The following CREB3L2 variants were observed in gnomAD, a reference collection of about 807,000 sequenced individuals.
The protein encoded by CREB3L2 is cAMP responsive element binding protein 3 like 2.
Under a neutral mutation model 57.2 loss-of-function variants are expected in CREB3L2, and 23 were observed. That is an observed-to-expected ratio of 0.40 (90% confidence interval 0.29 to 0.57). The LOEUF is 0.57. Among genes scored for constraint, CREB3L2 ranks in the 20% least tolerant of loss-of-function variants. The pLI, the probability that CREB3L2 is intolerant of heterozygous loss-of-function variation, is 0.42. For missense variants in CREB3L2, 628 were observed against 634.7 expected, an observed-to-expected ratio of 0.99 and a Z score of 0.11; for synonymous variants, 268 against 265.1, an observed-to-expected ratio of 1.01 and a Z score of -0.11.
At chr7:137,917,209 GACAGAGTGC>G (rs1303341093) in intron 2 of CREB3L2, among the ~76,000 whole-genome samples, 2 of 152,186 alleles carry the variant, frequency 1.3e-5, no homozygotes, top group Non-Finnish European at 2.9e-5. Context: ...AGACGGAACA[GACAGAGTGC>G]CTCTGCCACT....
rs183777556 is a variant in CREB3L2 at position 137,925,568 on chromosome 7, C to G, written c.319+2582G>C. 6.6e-5 allele frequency among the ~76,000 whole-genome samples: 10 copies of G among 152,318 alleles called. No individual in the cohort carries two copies. The East Asian group carries it at 1.9e-3, about 29-fold the overall frequency. ...GGTGGTTATCTGCTCTAACAGAGCA[C>G]TTGGGTTTGGAAGGAATACTTGTGG... is the stretch of plus-strand genomic sequence containing the variant. On this transcript the variant is annotated intron_variant, in intron 2 of 11. Coordinates refer to ENST00000330387, the MANE Select transcript of CREB3L2 (RefSeq NM_194071.4).
At chr7:137,952,421 A>T (rs1801119865) in intron 1 of CREB3L2, among the ~76,000 whole-genome samples, 1 of 152,154 alleles carries the variant, frequency 6.6e-6, no homozygotes, top group Non-Finnish European at 1.5e-5. Flanking sequence ...TCAGGCTCTC[A>T]GCCTTTCAAC....
intron 8 of CREB3L2, among the ~76,000 whole-genome samples, chr7:137,900,816 A>G (rs7800157): frequency 0.089 from 13,570 of 152,048 alleles, 1,781 homozygotes; most frequent in African/African-American, 0.29. Context: ...AAAAAAGAAA[A>G]AAAAAATACC....
At chr7:137,919,235 G>A (rs1585624747) in intron 2 of CREB3L2, among the ~76,000 whole-genome samples, 2 of 149,870 alleles carry the variant, frequency 1.3e-5, no homozygotes, top group Admixed American at 6.6e-5. Context: ...GCAGTGGTGT[G>A]ATCTCGGCTC....
At position 138,001,369 on chromosome 7, in the gene CREB3L2, A is replaced by G. The variant is rs1802072167; in HGVS notation, c.102+235T>C. ...AGATGGAAAAAGCCTCAGGGAAAAAAGCATGAATTGTTAAAGGAATACAAA... is the reference window on the plus strand; with the variant it reads ...AGATGGAAAAAGCCTCAGGGAAAAAGGCATGAATTGTTAAAGGAATACAAA... On this transcript the variant is annotated intron_variant, in intron 1 of 11. Transcript: ENST00000330387. The surrounding 1 kb of genome is among the most constrained non-coding windows in gnomAD (Gnocchi z 4.2). Among the ~76,000 whole-genome samples, 1 of 152,226 alleles carries G rather than the reference A, an allele frequency of 6.6e-6. No individual in the cohort carries two copies. The highest frequency in any genetic ancestry group is 2.4e-5 in the African/African-American group (1 of 41,448).
chr7:137,981,642 C>T (rs1356822813), intron 1 of CREB3L2, among the ~76,000 whole-genome samples: 1 of 152,160 alleles, frequency 6.6e-6, no homozygotes, highest in African/African-American at 2.4e-5. Flanking sequence ...AGTGGTTTAG[C>T]TCAAGGAGGG....
intron 2 of CREB3L2, chr7:137,922,557 A>G (rs1800356380): frequency 2.4e-6 from 1 of 418,884 alleles, no homozygotes; most frequent in African/African-American, 2.1e-5. Context: ...TTTATTCTTA[A>G]AAAGGGAAAT....
intron 8 of CREB3L2, among the ~76,000 whole-genome samples, chr7:137,887,712 G>GA (rs373429809): frequency 3.8e-4 from 55 of 143,544 alleles, no homozygotes; most frequent in Non-Finnish European, 4.9e-4. Flanking sequence ...CCGTCTCAAA[G>GA]AAAAAAAAAA....
intron 1 of CREB3L2, among the ~76,000 whole-genome samples, chr7:137,963,955 C>T (rs1029112810): frequency 2.0e-5 from 3 of 152,148 alleles, no homozygotes; most frequent in Non-Finnish European, 4.4e-5. Flanking sequence ...GAATGTATCA[C>T]AATCTGTTTT....
chr7:137,881,549 T>C (rs1330917949), intron 11 of CREB3L2, among the ~76,000 whole-genome samples: 1 of 152,242 alleles, frequency 6.6e-6, no homozygotes, highest in South Asian at 2.1e-4. Flanking sequence ...AATATGTATG[T>C]ATAATGTACA....
intron 4 of CREB3L2, among the ~76,000 whole-genome samples, chr7:137,910,734 C>A (rs1463384136): frequency 6.6e-6 from 1 of 152,106 alleles, no homozygotes; most frequent in African/African-American, 2.4e-5. Context: ...GGGCACCCCA[C>A]AAAAGACAGA....
intron 1 of CREB3L2, among the ~76,000 whole-genome samples, chr7:137,940,913 T>C (rs1800870891): frequency 6.6e-6 from 1 of 152,228 alleles, no homozygotes; most frequent in African/African-American, 2.4e-5. Context: ...TGCTCAGGCA[T>C]GACTCTGCCA....
chr7:137,906,727 C>A (rs1267299488), intron 5 of CREB3L2, among the ~76,000 whole-genome samples: 1 of 152,180 alleles, frequency 6.6e-6, no homozygotes, highest in African/African-American at 2.4e-5. Flanking sequence ...TGGGGTGAGT[C>A]TTTCCCATGC....
intron 1 of CREB3L2, among the ~76,000 whole-genome samples, chr7:137,941,542 T>A (rs273990): frequency 0.46 from 69,734 of 152,026 alleles, 16,655 homozygotes; most frequent in East Asian, 0.78. Context: ...TCCAAGAGCT[T>A]TGAGGCCTGC....
rs748672685 is a variant in CREB3L2 at position 137,908,356 on chromosome 7, G to A, written c.664C>T (p.Pro222Ser). The change falls in exon 5 of 12, where the codon CCA becomes TCA. Residue 222 changes from proline (P) to serine (S), a missense_variant. Around this residue, in one of 3 missense-constraint regions of CREB3L2, gnomAD observed 339 missense variants for 355.4 expected, o/e 0.95. Transcript: ENST00000330387. The stretch of plus-strand genomic sequence containing the variant: ...GGCAGGCTGAAGGGGTGCAGGCGTG[G>A]GTTGGGACTCAGGCTGCCCTCTGAG... Reference protein sequence around the residue: ...SDSEGSLSPNPRLHPFSLPQT... With the variant: ...SDSEGSLSPNSRLHPFSLPQT... The A allele has an allele frequency of 1.6e-6, 2 of 1,260,838 alleles. No individual in the cohort carries two copies. The highest frequency in any genetic ancestry group is 2.0e-6 in the Non-Finnish European group (2 of 994,436). 78.1% of individuals were successfully genotyped at this position (1,260,838 alleles called of 1,614,324 possible).
At chr7:137,975,457 C>CTTCT (rs1801589855) in intron 1 of CREB3L2, among the ~76,000 whole-genome samples, 1 of 152,196 alleles carries the variant, frequency 6.6e-6, no homozygotes, top group Non-Finnish European at 1.5e-5. Flanking sequence ...GACTCTCGCC[C>CTTCT]CTTCTCTCTT....
Position 137,879,888 on chromosome 7 carries a change from G to A in CREB3L2, c.*588C>T, listed in dbSNP as rs1799252139. On this transcript the variant is annotated 3_prime_UTR_variant, in exon 12 of 12. Coordinates refer to ENST00000330387, the MANE Select transcript of CREB3L2 (RefSeq NM_194071.4). ...TGATCCCCTCAGGCATTGCACTTGCGGCCTGAGAATATGAACGAGAGCCCT... is the reference window on the plus strand; with the variant it reads ...TGATCCCCTCAGGCATTGCACTTGCAGCCTGAGAATATGAACGAGAGCCCT... 1 of 235,352 alleles carries A rather than the reference G, an allele frequency of 4.2e-6. No individual in the cohort carries two copies. The highest frequency in any genetic ancestry group is 8.4e-6 in the Non-Finnish European group (1 of 119,196). 14.6% of individuals were successfully genotyped at this position (235,352 alleles called of 1,614,324 possible). A position where few individuals can be genotyped will look rare whatever the true frequency, so the allele number is the denominator to read the frequency against.
chr7:137,951,571 T>C (rs573173423), intron 1 of CREB3L2, among the ~76,000 whole-genome samples: 14 of 152,358 alleles, frequency 9.2e-5, no homozygotes, highest in East Asian at 7.7e-4. Context: ...ATTGTACTTA[T>C]TGAAATGTAT....
At chr7:137,930,751 GCTCT>G (rs1360819291) in intron 1 of CREB3L2, among the ~76,000 whole-genome samples, 1 of 152,284 alleles carries the variant, frequency 6.6e-6, no homozygotes, top group African/African-American at 2.4e-5. Flanking sequence ...CAGGGAGAGA[GCTCT>G]CTGAGTACAA....
Sources: gnomAD v4.1 joint callset for allele counts (sites outside exome capture counted in the v4.1 genomes callset) on GRCh38, gnomAD v4.1.1 for gene constraint, gnomAD v4.1.1 regional missense constraint, Gnocchi (gnomAD v3.1) non-coding constraint, MANE v1.5 for transcripts, NCBI Gene and HGNC (gene_info 2026-07-23, HGNC 2026-07-21) for gene names.